Variants in UFM1 observed in about 807,000 individuals in gnomAD.
UFM1 encodes ubiquitin-fold modifier 1.
A neutral mutation model predicts 15.4 loss-of-function variants in UFM1; 9 were observed. The ratio of observed to expected loss-of-function variants is 0.59; its 90% confidence interval spans 0.35 to 1.02. The LOEUF (loss-of-function observed/expected upper bound fraction) is 1.02, where lower values mean the gene tolerates loss of function less well. Among genes scored for constraint, UFM1 ranks in the 50% least tolerant of loss-of-function variants. UFM1 has a pLI of 0.02. For synonymous variants in UFM1, 27 were observed against 36.3 expected, an observed-to-expected ratio of 0.74 and a Z score of 0.92; for missense variants, 98 against 104.7, an observed-to-expected ratio of 0.94 and a Z score of 0.28.
intron 5 of UFM1, 31 bp downstream of exon 5, chr13:38,359,364 GTGGGGTTATATA>G: frequency 6.2e-7 from 1 of 1,609,600 alleles, no homozygotes; most frequent in Non-Finnish European, 8.5e-7. Context: ...AGAGGAGTGG[GTGGGGTTATATA>G]TGTCAATTGA....
At chr13:38,355,854 C>T (rs1440597824) in intron 3 of UFM1, among the ~76,000 whole-genome samples, 3 of 151,696 alleles carry the variant, frequency 2.0e-5, no homozygotes, top group Admixed American at 6.6e-5. Flanking sequence ...TCAGTGAGAA[C>T]AAAAGTTGAC....
Position 38,363,100 on chromosome 13 carries a change from T to A in UFM1, c.*2322T>A, listed in dbSNP as rs1304506267. On this transcript the variant is annotated 3_prime_UTR_variant, in exon 6 of 6. Coordinates refer to ENST00000239878, the MANE Select transcript of UFM1 (RefSeq NM_016617.4). ...TAAAGAAAAAAAGGGCAAAGATGAT[T>A]AATGACCATAAGTCAGAGAAATTAG... 1 of 152,194 alleles carries A rather than the reference T, an allele frequency of 6.6e-6. No homozygotes were observed. Among genetic ancestry groups the A allele is most frequent in the Non-Finnish European group, 1.5e-5 (1 of 68,032 alleles). The allele number at this position is 152,194 out of a possible 1,614,324, so 9.4% of individuals were successfully genotyped here.
intron 5 of UFM1, chr13:38,360,009 T>C (rs1022614138): frequency 2.2e-5 from 8 of 360,476 alleles, no homozygotes; most frequent in Non-Finnish European, 3.8e-5. Context: ...AAAGTATTTC[T>C]TTATTGTAAC....
rs574444421 is a variant in UFM1 at position 38,357,985 on chromosome 13, A to C, written c.118-108A>C. On this transcript the variant is annotated intron_variant, in intron 3 of 5. Coordinates refer to ENST00000239878, the MANE Select transcript of UFM1 (RefSeq NM_016617.4). ...TATTCTAAAAGATTAATCCTACTTT[A>C]GAATTATAGAATTGGTATTTGTACC... 8.4e-6 allele frequency: 4 copies of C among 476,026 alleles called. No individual in the cohort carries two copies. In the Admixed American group the frequency reaches 1.8e-4, roughly 22 times the overall value. 29.5% of individuals were successfully genotyped at this position (476,026 alleles called of 1,614,324 possible). A position where few individuals can be genotyped will look rare whatever the true frequency, so the allele number is the denominator to read the frequency against.
rs530647595 is a variant in UFM1 at position 38,362,221 on chromosome 13, A to G, written c.*1443A>G. ...TTGCTGTAAAGTCTTTCTAAGACCA[A>G]TTATTATCTTAGCATGTTTCAGTAT... On this transcript the variant is annotated 3_prime_UTR_variant, in exon 6 of 6. Transcript: ENST00000239878. 2.0e-5 allele frequency: 3 copies of G among 152,122 alleles called. No individual in the cohort carries two copies. The highest frequency in any genetic ancestry group is 4.4e-5 in the Non-Finnish European group (3 of 68,016). The allele number at this position is 152,122 out of a possible 1,614,324, so 9.4% of individuals were successfully genotyped here.
intron 5 of UFM1, among the ~76,000 whole-genome samples, chr13:38,360,502 G>A (rs1335518067): frequency 1.3e-5 from 2 of 151,964 alleles, no homozygotes; most frequent in Non-Finnish European, 2.9e-5. Flanking sequence ...CATGGCTGGT[G>A]TTATTTTAAA....
rs368753017 is a variant in UFM1 at position 38,360,824 on chromosome 13, G to A, written c.*46G>A. On this transcript the variant is annotated 3_prime_UTR_variant, in exon 6 of 6. Coordinates refer to ENST00000239878, the MANE Select transcript of UFM1 (RefSeq NM_016617.4). The stretch of plus-strand genomic sequence containing the variant: ...CGATTGCCTTTCAGAATAAATATTG[G>A]TATTTTTTGTTGTTGTAAAATTGAA... 16 of 1,490,982 alleles carry A rather than the reference G, an allele frequency of 1.1e-5. No homozygotes were observed. The African/African-American group carries it at 1.3e-4, about 12-fold the overall frequency. The allele number at this position is 1,490,982 out of a possible 1,614,324, so 92.4% of individuals were successfully genotyped here. A position where few individuals can be genotyped will look rare whatever the true frequency, so the allele number is the denominator to read the frequency against.
rs114028779 is a variant in UFM1 at position 38,355,891 on chromosome 13, A to G, written c.117+1595A>G. 3.8e-3 allele frequency among the ~76,000 whole-genome samples: 584 copies of G among 151,862 alleles called. 3 individuals carry two copies. Among genetic ancestry groups the G allele is most frequent in the African/African-American group, 0.013 (560 of 41,514 alleles). On this transcript the variant is annotated intron_variant, in intron 3 of 5. Coordinates refer to ENST00000239878, the MANE Select transcript of UFM1 (RefSeq NM_016617.4). Reference sequence around the variant, plus strand: ...CAAGAAAGCAAGAGTCTGGATTTAAATCCCTCGTAAAATTGCCTTAGTAAG... The same window carrying G: ...CAAGAAAGCAAGAGTCTGGATTTAAGTCCCTCGTAAAATTGCCTTAGTAAG...
chr13:38,353,205 CAG>C (rs1436560436), intron 2 of UFM1, among the ~76,000 whole-genome samples: 1 of 151,972 alleles, frequency 6.6e-6, no homozygotes, highest in Non-Finnish European at 1.5e-5. Context: ...TTCTTATAGT[CAG>C]AGATCTGTAG....
chr13:38,351,189 C>A (rs553837362), intron 2 of UFM1, among the ~76,000 whole-genome samples: 1 of 152,264 alleles, frequency 6.6e-6, no homozygotes, highest in East Asian at 1.9e-4. Context: ...ACTCTGGTGG[C>A]CCTGTCTCTC....
intron 5 of UFM1, 160 bp downstream of exon 5, chr13:38,359,493 G>A (rs1412814599): frequency 1.2e-5 from 8 of 669,288 alleles, no homozygotes; most frequent in Admixed American, 5.9e-5. Flanking sequence ...TGAGTAATAA[G>A]TTGTTTCATT....
Position 38,363,242 on chromosome 13 carries a change from C to G in UFM1, c.*2464C>G, listed in dbSNP as rs113249867. 6.6e-6 allele frequency: 1 copy of G among 152,254 alleles called. No homozygotes were observed. The highest frequency in any genetic ancestry group is 1.5e-5 in the Non-Finnish European group (1 of 68,004). 9.4% of individuals were successfully genotyped at this position (152,254 alleles called of 1,614,324 possible). On this transcript the variant is annotated 3_prime_UTR_variant, in exon 6 of 6. Coordinates refer to ENST00000239878, the MANE Select transcript of UFM1 (RefSeq NM_016617.4). ...TGTGCTTTATCTATGTTTGGATACA[C>G]AAGTACTTACCATCATTTTACAGTT...
chr13:38,359,372 AT>A, intron 5 of UFM1, 39 bp downstream of exon 5: 1 of 1,600,754 alleles, frequency 6.2e-7, no homozygotes, highest in South Asian at 1.1e-5. Flanking sequence ...GGGTGGGGTT[AT>A]ATATGTCAAT....
rs376922670 is a variant in UFM1, at chr13:38,359,353, T to C, written c.190+20T>C. ...CTGCTGGTGAGTATTTGAAAACTCA[T>C]AGAGGAGTGGGTGGGGTTATATATG... is the stretch of plus-strand genomic sequence containing the variant. On this transcript the variant is annotated intron_variant, in intron 5 of 5. Transcript: ENST00000239878. 16 of 1,610,748 alleles carry C rather than the reference T, an allele frequency of 9.9e-6. No individual in the cohort carries two copies. In the African/African-American group the frequency reaches 1.3e-4, roughly 13 times the overall value.
At chr13:38,354,422 C>G (rs187520854) in intron 3 of UFM1, 126 bp downstream of exon 3, 119 of 666,992 alleles carry the variant, frequency 1.8e-4, no homozygotes, top group Middle Eastern at 1.1e-3. Flanking sequence ...TTTATGTTAT[C>G]AAAAAGTAGG....
rs758632734 is a variant in UFM1, at chr13:38,359,394, T to G, written c.190+61T>G. The G allele has an allele frequency of 7.8e-6, 12 of 1,544,784 alleles. No individual in the cohort carries two copies. In the African/African-American group the frequency reaches 1.6e-4, roughly 21 times the overall value. ...GTTATATATGTCAATTGACACTGAA[T>G]AGTTAAGCTATTCTAATTACACTTG... On this transcript the variant is annotated intron_variant, in intron 5 of 5. Transcript: ENST00000239878.
At chr13:38,350,189 C>A in intron 2 of UFM1, 134 bp downstream of exon 2, 1 of 1,613,568 alleles carries the variant, frequency 6.2e-7, no homozygotes, top group Non-Finnish European at 8.5e-7. Context: ...TGGCTCGCGC[C>A]CTTCCAGGAG....
chr13:38,362,898 T>C lies in UFM1; in HGVS notation c.*2120T>C, dbSNP rs1319358506. 1 of 152,246 alleles carries C rather than the reference T, an allele frequency of 6.6e-6. No homozygotes were observed. Among genetic ancestry groups the C allele is most frequent in the Non-Finnish European group, 1.5e-5 (1 of 68,036 alleles). 9.4% of individuals were successfully genotyped at this position (152,246 alleles called of 1,614,324 possible). On this transcript the variant is annotated 3_prime_UTR_variant, in exon 6 of 6. Coordinates refer to ENST00000239878, the MANE Select transcript of UFM1 (RefSeq NM_016617.4). ...ACATTTTGTTATTAAAAAAATGTGA[T>C]CTGTAATTTCTTTGTGCAGAATGAT...
intron 2 of UFM1, among the ~76,000 whole-genome samples, chr13:38,351,702 C>A (rs184618014): frequency 6.6e-6 from 1 of 151,986 alleles, no homozygotes; most frequent in Non-Finnish European, 1.5e-5. Context: ...CGAAAGAGAG[C>A]GTGAGAAGGA....
Sources: allele counts gnomAD v4.1 joint callset (sites outside exome capture counted in the v4.1 genomes callset), GRCh38; gene constraint gnomAD v4.1.1; transcripts MANE v1.5; gene names NCBI Gene and HGNC (gene_info 2026-07-23, HGNC 2026-07-21).